The following XPR1 variants were observed in gnomAD, a reference collection of about 807,000 sequenced individuals.
XPR1 encodes solute carrier family 53 member 1.
A neutral mutation model predicts 87.5 loss-of-function variants in XPR1; 28 were observed. That is an observed-to-expected ratio of 0.32 (90% CI 0.24 to 0.44). XPR1 has a LOEUF of 0.44. XPR1 is among the 20% of genes least tolerant of loss of function. The pLI is 1.00. For synonymous variants in XPR1, 300 were observed against 306.1 expected (o/e 0.98, Z 0.21); for missense variants, 559 against 862.3 (o/e 0.65, Z 4.41).
chr1:180,748,215 G>C (rs948050238), intron 2 of XPR1, among the ~76,000 whole-genome samples: 19 of 151,802 alleles, frequency 1.3e-4, no homozygotes, highest in African/African-American at 4.4e-4. Context: ...TATTGGAGCT[G>C]GCTTATACCA....
At chr1:180,666,545 A>G (rs1453728601) in intron 1 of XPR1, among the ~76,000 whole-genome samples, 3 of 152,010 alleles carry the variant, frequency 2.0e-5, no homozygotes, top group Non-Finnish European at 4.4e-5. Flanking sequence ...TTTCGATGCT[A>G]TTGTTAAATG....
intron 2 of XPR1, among the ~76,000 whole-genome samples, chr1:180,770,571 C>A (rs73036535): frequency 0.023 from 3,454 of 152,244 alleles, 138 homozygotes; most frequent in African/African-American, 0.078. Context: ...TAGTCTGCAG[C>A]AGATGGTTTT....
At chr1:180,658,903 T>C (rs1440714452) in intron 1 of XPR1, among the ~76,000 whole-genome samples, 2 of 152,136 alleles carry the variant, frequency 1.3e-5, no homozygotes, top group Non-Finnish European at 2.9e-5. Context: ...TCTGTTGATA[T>C]GATGTATCAC....
At chr1:180,703,639 A>G (rs1232287076) in intron 2 of XPR1, among the ~76,000 whole-genome samples, 2 of 152,132 alleles carry the variant, frequency 1.3e-5, no homozygotes, top group African/African-American at 2.4e-5. Context: ...GATTTTTTAC[A>G]TGGCCCCTAA....
At chr1:180,692,038 G>A (rs3843278) in intron 2 of XPR1, among the ~76,000 whole-genome samples, 111,864 of 152,032 alleles carry the variant, frequency 0.74, 41,620 homozygotes, top group African/African-American at 0.8. Context: ...CTGCATATTT[G>A]TCTCTAAAAA....
intron 2 of XPR1, among the ~76,000 whole-genome samples, chr1:180,760,079 A>AGG (rs1235660129): frequency 6.6e-6 from 1 of 152,212 alleles, no homozygotes; most frequent in Admixed American, 6.5e-5. Flanking sequence ...CATGCTAAAA[A>AGG]CGCTCAATAA....
chr1:180,847,376 C>T (rs577964985), intron 11 of XPR1, among the ~76,000 whole-genome samples: 1 of 152,252 alleles, frequency 6.6e-6, no homozygotes, highest in East Asian at 1.9e-4. Context: ...ACCCTTCTTC[C>T]AGTAAGAATT....
chr1:180,668,414 C>T (rs1191907937), intron 1 of XPR1, among the ~76,000 whole-genome samples: 1 of 152,154 alleles, frequency 6.6e-6, no homozygotes, highest in Non-Finnish European at 1.5e-5. Flanking sequence ...CAGGCGTGAG[C>T]CACTGCACCC....
At position 180,806,150 on chromosome 1, in the gene XPR1, A is replaced by T; in HGVS notation, c.536A>T (p.His179Leu). Residue 179 changes from histidine to leucine, a missense_variant, in exon 5 of 15, where the codon CAC (histidine) becomes CTC (leucine). By Grantham distance (99) the His-to-Leu change is moderately conservative. Around this residue, in one of 7 missense-constraint regions of XPR1, gnomAD observed 159 missense variants for 263.3 expected, o/e 0.60. Coordinates refer to ENST00000367590, the MANE Select transcript of XPR1 (RefSeq NM_004736.4). ...CGTGGAGCAGATTGGCGAGTGGCTC[A>T]CGTAGAGGTGGCCCCATTTTATACA... ...TSRGADWRVAHVEVAPFYTCK... is the reference protein window; with the variant it reads ...TSRGADWRVALVEVAPFYTCK... 6.2e-7 allele frequency: 1 copy of T among 1,613,614 alleles called. No homozygotes were observed. Among genetic ancestry groups the T allele is most frequent in the Non-Finnish European group, 8.5e-7 (1 of 1,179,596 alleles).
intron 2 of XPR1, among the ~76,000 whole-genome samples, chr1:180,781,918 A>C (rs1295574853): frequency 6.6e-6 from 1 of 151,910 alleles, no homozygotes; most frequent in Non-Finnish European, 1.5e-5. Flanking sequence ...TTTTCTATTA[A>C]CAGTAATTTG....
chr1:180,881,195 G>A lies in XPR1; in HGVS notation c.2030+898G>A, dbSNP rs59150150. On this transcript the variant is annotated intron_variant, in intron 14 of 14. Transcript: ENST00000367590. ...TTTTTTTTTTTTGAGATGGAGTCTC[G>A]CTCTGTTGCCCAGGCTGGAGTGCAG... Among the ~76,000 whole-genome samples the A allele has an allele frequency of 6.0e-3, 914 of 151,754 alleles. 13 individuals carry two copies. Among genetic ancestry groups the A allele is most frequent in the African/African-American group, 0.021 (861 of 41,366 alleles).
intron 2 of XPR1, among the ~76,000 whole-genome samples, chr1:180,730,841 A>AT (rs1398822214): frequency 7.6e-6 from 1 of 132,424 alleles, no homozygotes; most frequent in East Asian, 2.0e-4. Flanking sequence ...TTTTTTTTTT[A>AT]TTTTTTGTAG....
chr1:180,731,573 G>T (rs1348990464), intron 2 of XPR1, among the ~76,000 whole-genome samples: 5 of 152,180 alleles, frequency 3.3e-5, no homozygotes, highest in Non-Finnish European at 7.4e-5. Flanking sequence ...AGCTTTAACA[G>T]CAGAAGGGTT....
In XPR1 at chr1:180,877,160, C is replaced by T. The variant is rs557181443; in HGVS notation, c.1809-2916C>T. On this transcript the variant is annotated intron_variant, in intron 13 of 14. Coordinates refer to ENST00000367590, the MANE Select transcript of XPR1 (RefSeq NM_004736.4). The stretch of plus-strand genomic sequence containing the variant: ...ATAGGTTTAATTAAAGCTGTGTAGA[C>T]GTGAGAAAATCGACAAGCCAGTTCT... 1.2e-4 allele frequency among the ~76,000 whole-genome samples: 18 copies of T among 151,980 alleles called. No individual in the cohort carries two copies. The East Asian group carries it at 1.9e-3, about 16-fold the overall frequency.
intron 2 of XPR1, among the ~76,000 whole-genome samples, chr1:180,739,186 G>A (rs997907218): frequency 2.0e-5 from 3 of 152,024 alleles, no homozygotes; most frequent in East Asian, 1.9e-4. Flanking sequence ...TCAATTTACC[G>A]TATTTGTTTG....
At chr1:180,665,071 A>G (rs538453830) in intron 1 of XPR1, among the ~76,000 whole-genome samples, 1 of 152,366 alleles carries the variant, frequency 6.6e-6, no homozygotes, top group Non-Finnish European at 1.5e-5. Flanking sequence ...TATAAAGGAA[A>G]GAGGTTTAAT....
At chr1:180,694,610 C>G (rs1437064021) in intron 2 of XPR1, among the ~76,000 whole-genome samples, 2 of 151,814 alleles carry the variant, frequency 1.3e-5, no homozygotes, top group Non-Finnish European at 2.9e-5. Flanking sequence ...TACACTGGAT[C>G]AATGTATTCC....
At chr1:180,669,737 A>G (rs1656096677) in intron 1 of XPR1, among the ~76,000 whole-genome samples, 1 of 152,202 alleles carries the variant, frequency 6.6e-6, no homozygotes, top group Non-Finnish European at 1.5e-5. Context: ...CATGGATAGT[A>G]CCAAACCCTA....
In XPR1 at chr1:180,632,290, G is replaced by T; in HGVS notation, c.69+20G>T. On this transcript the variant is annotated intron_variant, in intron 1 of 14. Coordinates refer to ENST00000367590, the MANE Select transcript of XPR1 (RefSeq NM_004736.4). ...TATGAGGTACCGGCACGGCTGGGGT[G>T]TGGGAGGACTCGGAGGGGCCACCAT... is the stretch of plus-strand genomic sequence containing the variant. The T allele has an allele frequency of 6.2e-7, 1 of 1,607,684 alleles. No individual in the cohort carries two copies. The highest frequency in any genetic ancestry group is 1.7e-5 in the Admixed American group (1 of 59,300).
Sources: allele counts gnomAD v4.1 joint callset (sites outside exome capture counted in the v4.1 genomes callset), GRCh38; gene constraint gnomAD v4.1.1; regional missense constraint gnomAD v4.1.1; transcripts MANE v1.5; gene names NCBI Gene and HGNC (gene_info 2026-07-23, HGNC 2026-07-21).